The following DMBX1 variants were observed in gnomAD, a reference collection of about 807,000 sequenced individuals.
The protein encoded by DMBX1 is diencephalon/mesencephalon homeobox 1.
Under a neutral mutation model 30.4 loss-of-function variants are expected in DMBX1, and 7 were observed. That is an observed-to-expected ratio of 0.23 (90% CI 0.13 to 0.43). DMBX1 has a LOEUF of 0.43. Among genes scored for constraint, DMBX1 ranks in the 20% least tolerant of loss-of-function variants. The pLI is 1.00. For missense variants in DMBX1, 460 were observed against 508.5 expected, an observed-to-expected ratio of 0.90 and a Z score of 0.92; for synonymous variants, 222 against 214.2, an observed-to-expected ratio of 1.04 and a Z score of -0.32.
chr1:46,510,559 G>T lies in DMBX1; in HGVS notation c.238G>T (p.Ala80Ser), dbSNP rs550127413. Residue 80 changes from alanine to serine, a missense_variant, in exon 4 of 6, where the codon GCC (alanine) becomes TCC (serine). By Grantham distance (99) the Ala-to-Ser change is moderately conservative (BLOSUM62 1). Transcript: ENST00000360032. This position sits in a 1 kb window ranked among gnomAD's most constrained non-coding sequence, Gnocchi z 4.1. ...AGCGTTCACGGCTCAGCAGCTCGAG[G>T]CCCTGGAAAAGACCTTCCAGAAGAC... ...RTAFTAQQLE[A>S]LEKTFQKTHY... The T allele has an allele frequency of 6.2e-7, 1 of 1,614,164 alleles. No individual in the cohort carries two copies. The highest frequency in any genetic ancestry group is 8.5e-7 in the Non-Finnish European group (1 of 1,180,036).
At chr1:46,497,715 C>T (rs547639066) in intron 2 of DMBX1, among the ~76,000 whole-genome samples, 85 of 152,334 alleles carry the variant, frequency 5.6e-4, no homozygotes, top group African/African-American at 2.0e-3. Context: ...ATTGGCTAGG[C>T]ATTAGGCCGC....
At chr1:46,497,891 C>A (rs901579258) in intron 2 of DMBX1, among the ~76,000 whole-genome samples, 2 of 152,236 alleles carry the variant, frequency 1.3e-5, no homozygotes, top group African/African-American at 4.8e-5. Context: ...GAAACGCGGC[C>A]GCGCCGTGAT....
chr1:46,512,439 G>A lies in DMBX1; in HGVS notation c.1079G>A (p.Arg360Gln), dbSNP rs897578121. 1 of 1,613,768 alleles carries A rather than the reference G, an allele frequency of 6.2e-7. No individual in the cohort carries two copies. Among genetic ancestry groups the A allele is most frequent in the Non-Finnish European group, 8.5e-7 (1 of 1,179,936 alleles). Residue 360 changes from arginine (R) to glutamine (Q), a missense_variant, in exon 6 of 6, where the codon CGG becomes CAG. By Grantham distance (43) the Arg-to-Gln change is conservative. Coordinates refer to ENST00000360032, the MANE Select transcript of DMBX1 (RefSeq NM_172225.2). The surrounding 1 kb of genome is among the most constrained non-coding windows in gnomAD (Gnocchi z 4.8). ...AAAACCACAAGCATCGAGAACCTGCGGCTCCGGGCCAAGCAGCACGCGGCC... is the reference window on the plus strand; with the variant it reads ...AAAACCACAAGCATCGAGAACCTGCAGCTCCGGGCCAAGCAGCACGCGGCC... ...NSKTTSIENLRLRAKQHAASL... is the reference protein window; with the variant it reads ...NSKTTSIENLQLRAKQHAASL...
chr1:46,491,969 G>A lies in DMBX1; in HGVS notation c.-13+1186G>A, dbSNP rs1439571990. 2.0e-5 allele frequency among the ~76,000 whole-genome samples: 3 copies of A among 152,172 alleles called. No individual in the cohort carries two copies. The highest frequency in any genetic ancestry group is 2.9e-5 in the Non-Finnish European group (2 of 68,026). ...TCAAATCTCTCTCCTGTATGGCTGG[G>A]GTAGACACACTTTTGGGAAAAGAAG... is the stretch of plus-strand genomic sequence containing the variant. On this transcript the variant is annotated intron_variant, in intron 2 of 5. Transcript: ENST00000360032. This position sits in a 1 kb window ranked among gnomAD's most constrained non-coding sequence, Gnocchi z 5.5.
At chr1:46,495,181 C>T (rs1666004636) in intron 2 of DMBX1, among the ~76,000 whole-genome samples, 1 of 152,210 alleles carries the variant, frequency 6.6e-6, no homozygotes. Flanking sequence ...TCTGCAATTC[C>T]CCTAGAATCT....
rs912537127 is a variant in DMBX1 at position 46,514,804 on chromosome 1, G to T, written c.*2310G>T. The stretch of plus-strand genomic sequence containing the variant: ...CCTGGTTGAATTGCTTTGCAGAGAA[G>T]TCAATGCCCATCACCCTTGATGGGG... On this transcript the variant is annotated 3_prime_UTR_variant, in exon 6 of 6. Transcript: ENST00000360032. Among the ~76,000 whole-genome samples, 1 of 152,188 alleles carries T rather than the reference G, an allele frequency of 6.6e-6. No homozygotes were observed. Among genetic ancestry groups the T allele is most frequent in the Admixed American group, 6.5e-5 (1 of 15,280 alleles).
chr1:46,492,035 C>A (rs1175333382), intron 2 of DMBX1, among the ~76,000 whole-genome samples: 1 of 152,218 alleles, frequency 6.6e-6, no homozygotes, highest in Non-Finnish European at 1.5e-5. Flanking sequence ...CACCTTACCC[C>A]ACCCCTGCAG....
intron 2 of DMBX1, among the ~76,000 whole-genome samples, chr1:46,506,586 T>C (rs747756949): frequency 3.9e-5 from 6 of 152,234 alleles, no homozygotes; most frequent in Admixed American, 3.9e-4. Flanking sequence ...CATACTATGA[T>C]CCAGTCCTTT....
chr1:46,503,249 T>G (rs1435609507), intron 2 of DMBX1, among the ~76,000 whole-genome samples: 2 of 152,252 alleles, frequency 1.3e-5, no homozygotes, highest in Non-Finnish European at 2.9e-5. Flanking sequence ...CGGAGAGCCC[T>G]TTCCTGACCA....
intron 2 of DMBX1, among the ~76,000 whole-genome samples, chr1:46,499,995 C>T (rs909824739): frequency 6.6e-6 from 1 of 152,092 alleles, no homozygotes; most frequent in Admixed American, 6.5e-5. Flanking sequence ...TTGTCAGAGG[C>T]GACTTGGGGA....
Position 46,507,179 on chromosome 1 carries a change from G to C in DMBX1, c.154+15G>C. On this transcript the variant is annotated intron_variant, in intron 3 of 5. Transcript: ENST00000360032. ...GCGCCTGGCTGGTAAGGGCCCTGGG[G>C]ATGGGACCATGGGGACAGGACTGTG... 6.2e-7 allele frequency: 1 copy of C among 1,613,924 alleles called. No homozygotes were observed. Among genetic ancestry groups the C allele is most frequent in the Non-Finnish European group, 8.5e-7 (1 of 1,179,904 alleles).
At position 46,507,180 on chromosome 1, in the gene DMBX1, A is replaced by T. The variant is rs1464502809; in HGVS notation, c.154+16A>T. On this transcript the variant is annotated intron_variant, in intron 3 of 5. Coordinates refer to ENST00000360032, the MANE Select transcript of DMBX1 (RefSeq NM_172225.2). ...CGCCTGGCTGGTAAGGGCCCTGGGG[A>T]TGGGACCATGGGGACAGGACTGTGG... 3.1e-6 allele frequency: 5 copies of T among 1,613,508 alleles called. No homozygotes were observed. Among genetic ancestry groups the T allele is most frequent in the African/African-American group, 1.3e-5 (1 of 74,912 alleles).
rs749670817 is a variant in DMBX1 at position 46,510,445 on chromosome 1, T to C, written c.155-31T>C. On this transcript the variant is annotated intron_variant, in intron 3 of 5. Coordinates refer to ENST00000360032, the MANE Select transcript of DMBX1 (RefSeq NM_172225.2). This position sits in a 1 kb window ranked among gnomAD's most constrained non-coding sequence, Gnocchi z 4.1. The stretch of plus-strand genomic sequence containing the variant: ...TTCCCATAATTAAATGGGCCCCCTC[T>C]CCTTGCCCTCCAACGGCTGTACATT... The C allele has an allele frequency of 1.9e-6, 3 of 1,607,254 alleles. No homozygotes were observed. Among genetic ancestry groups the C allele is most frequent in the African/African-American group, 2.7e-5 (2 of 74,908 alleles).
chr1:46,514,688 G>A lies in DMBX1; in HGVS notation c.*2194G>A, dbSNP rs1367179559. On this transcript the variant is annotated 3_prime_UTR_variant, in exon 6 of 6. Coordinates refer to ENST00000360032, the MANE Select transcript of DMBX1 (RefSeq NM_172225.2). ...CTCACCACTGAACACTCCAAACCCTGCTTAAAGAAGTTGATCTATCTGAAA... is the reference window on the plus strand; with the variant it reads ...CTCACCACTGAACACTCCAAACCCTACTTAAAGAAGTTGATCTATCTGAAA... Among the ~76,000 whole-genome samples, 1 of 152,142 alleles carries A rather than the reference G, an allele frequency of 6.6e-6. No individual in the cohort carries two copies. Among genetic ancestry groups the A allele is most frequent in the Non-Finnish European group, 1.5e-5 (1 of 68,016 alleles).
chr1:46,505,203 G>C (rs1282967395), intron 2 of DMBX1, among the ~76,000 whole-genome samples: 1 of 140,968 alleles, frequency 7.1e-6, no homozygotes, highest in Non-Finnish European at 1.5e-5. Flanking sequence ...GATTCCTCAG[G>C]GATCTAGAAC....
At chr1:46,505,294 T>C (rs1438030423) in intron 2 of DMBX1, among the ~76,000 whole-genome samples, 2 of 147,856 alleles carry the variant, frequency 1.4e-5, no homozygotes, top group Non-Finnish European at 3.0e-5. Flanking sequence ...TAAAGACACA[T>C]GCACACATAT....
Position 46,510,768 on chromosome 1 carries a change from A to G in DMBX1, c.333+114A>G. The stretch of plus-strand genomic sequence containing the variant: ...GTGCCAAGGTGCAACTGATCTCTCC[A>G]TCAAAGCCTTCAGTGATAGGAGGGG... On this transcript the variant is annotated intron_variant, in intron 4 of 5. Transcript: ENST00000360032. The surrounding 1 kb of genome is among the most constrained non-coding windows in gnomAD (Gnocchi z 4.1). The G allele has an allele frequency of 7.2e-7, 1 of 1,398,520 alleles. No homozygotes were observed. The highest frequency in any genetic ancestry group is 2.5e-5 in the East Asian group (1 of 40,662). 86.6% of individuals were successfully genotyped at this position (1,398,520 alleles called of 1,614,324 possible). A position where few individuals can be genotyped will look rare whatever the true frequency, so the allele number is the denominator to read the frequency against.
intron 2 of DMBX1, among the ~76,000 whole-genome samples, chr1:46,503,353 A>G (rs1666173182): frequency 6.6e-6 from 1 of 152,212 alleles, no homozygotes; most frequent in South Asian, 2.1e-4. Context: ...ACAGTAGTAC[A>G]TATATTTTTA....
Position 46,510,833 on chromosome 1 carries a change from G to GT in DMBX1, c.334-101dup. The GT allele has an allele frequency of 7.4e-7, 1 of 1,360,258 alleles. No individual in the cohort carries two copies. Among genetic ancestry groups the GT allele is most frequent in the South Asian group, 1.5e-5 (1 of 68,274 alleles). 84.3% of individuals were successfully genotyped at this position (1,360,258 alleles called of 1,614,324 possible). ...CAGAGGGTGTGCATTCCCTAGAGGG[G>GT]TGGGGGGATGTTATCACGTACATCC... On this transcript the variant is annotated intron_variant, in intron 4 of 5. Coordinates refer to ENST00000360032, the MANE Select transcript of DMBX1 (RefSeq NM_172225.2). The surrounding 1 kb of genome is among the most constrained non-coding windows in gnomAD (Gnocchi z 4.1).
Sources: gnomAD v4.1 joint callset for allele counts (sites outside exome capture counted in the v4.1 genomes callset) on GRCh38, gnomAD v4.1.1 for gene constraint, Gnocchi (gnomAD v3.1) non-coding constraint, MANE v1.5 for transcripts, NCBI Gene and HGNC (gene_info 2026-07-23, HGNC 2026-07-21) for gene names.